TRAK1: variants seen among roughly 807,000 people sequenced by gnomAD.
TRAK1 encodes trafficking kinesin-binding protein 1.
TRAK1 carries 33 observed loss-of-function variants against 92.1 expected under a neutral mutation model. The ratio of observed to expected loss-of-function variants is 0.36; its 90% CI spans 0.27 to 0.48. The LOEUF (loss-of-function observed/expected upper bound fraction) is 0.48, where lower values mean the gene tolerates loss of function less well. Ranked by LOEUF, TRAK1 falls within the 20% of genes least tolerant of loss-of-function variation. TRAK1 has a pLI of 0.99. For synonymous variants in TRAK1, 521 were observed against 517.3 expected (o/e 1.01, Z -0.10); for missense variants, 1,123 against 1,257.9 (o/e 0.89, Z 1.62).
intron 14 of TRAK1, among the ~76,000 whole-genome samples, chr3:42,214,922 A>G (rs1191571751): frequency 6.6e-6 from 1 of 152,246 alleles, no homozygotes; most frequent in Non-Finnish European, 1.5e-5. Flanking sequence ...ACAACATATT[A>G]CAGTTTAAAA....
At chr3:42,089,864 C>T (rs779544202), upstream of TRAK1, among the ~76,000 whole-genome samples, 1 of 152,168 alleles carries the variant, frequency 6.6e-6, no homozygotes, top group African/African-American at 2.4e-5. Context: ...CAGTGACTAA[C>T]GTAGTGCCTG....
chr3:42,126,409 G>C (rs1710567664), intron 2 of TRAK1, among the ~76,000 whole-genome samples: 1 of 152,116 alleles, frequency 6.6e-6, no homozygotes, highest in Non-Finnish European at 1.5e-5. Flanking sequence ...ATTCTGATGG[G>C]CTGCAGAGCT....
chr3:42,157,290 C>G (rs1239696410), intron 2 of TRAK1, among the ~76,000 whole-genome samples: 1 of 151,146 alleles, frequency 6.6e-6, no homozygotes, highest in Non-Finnish European at 1.5e-5. Context: ...GAGACCCTGT[C>G]TCTACAAAAA....
chr3:42,181,834 C>G (rs372477500), intron 3 of TRAK1, among the ~76,000 whole-genome samples: 1 of 152,164 alleles, frequency 6.6e-6, no homozygotes, highest in African/African-American at 2.4e-5. Context: ...TTTCAGTCAG[C>G]CTCTGGAGAC....
chr3:42,195,636 A>T (rs1282904696), intron 10 of TRAK1, among the ~76,000 whole-genome samples: 3 of 151,532 alleles, frequency 2.0e-5, no homozygotes, highest in Admixed American at 2.0e-4. Context: ...CCTTCCCTAA[A>T]TCGTGATTTC....
In TRAK1 at chr3:42,136,010, T is replaced by C. The variant is rs1697910724; in HGVS notation, c.286+10396T>C. Among the ~76,000 whole-genome samples the C allele has an allele frequency of 2.0e-5, 3 of 152,240 alleles. 1 individual carries two copies. The South Asian group carries it at 6.2e-4, about 32-fold the overall frequency. ...CCCTCACCAATGACCCTGTCCATTC[T>C]CATAGGTGCCTTCCCCTGTTCTCCT... On this transcript the variant is annotated intron_variant, in intron 2 of 15. Coordinates refer to ENST00000327628, the MANE Select transcript of TRAK1 (RefSeq NM_001042646.3).
intron 1 of TRAK1, among the ~76,000 whole-genome samples, chr3:42,042,718 T>G (rs1702597039): frequency 6.6e-6 from 1 of 152,116 alleles, no homozygotes; most frequent in African/African-American, 2.4e-5. Context: ...GAGTAGAAAT[T>G]TCTTCTGCTT....
At chr3:42,113,001 G>A (rs558152816) in intron 1 of TRAK1, among the ~76,000 whole-genome samples, 29 of 152,144 alleles carry the variant, frequency 1.9e-4, no homozygotes, top group Non-Finnish European at 4.0e-4. Context: ...GAACTCCTAG[G>A]CTCAAGTGAT....
intron 14 of TRAK1, among the ~76,000 whole-genome samples, chr3:42,216,842 C>G (rs1709753877): frequency 2.0e-5 from 3 of 152,154 alleles, no homozygotes; most frequent in African/African-American, 4.8e-5. Flanking sequence ...CTAGGAAGCC[C>G]TCCACTCAGG....
In TRAK1 at chr3:42,209,946, C is replaced by A. The variant is rs1359994291; in HGVS notation, c.1924C>A (p.Leu642Ile). The A allele has an allele frequency of 6.2e-7, 1 of 1,614,190 alleles. No individual in the cohort carries two copies. Among genetic ancestry groups the A allele is most frequent in the East Asian group, 2.2e-5 (1 of 44,876 alleles). ...AGGTGACCACATTTCTCTCCCACGC[C>A]TAGCTACCTCCACTCCAGTTCAGCA... ...DTGDHISLPR[L>I]ATSTPVQHPE... Residue 642 changes from leucine to isoleucine, a missense_variant, in exon 14 of 16, where the codon CTA becomes ATA. By Grantham distance (5) the Leu-to-Ile change is conservative. Coordinates refer to ENST00000327628, the MANE Select transcript of TRAK1 (RefSeq NM_001042646.3).
At position 42,039,861 on chromosome 3, in the gene TRAK1, C is replaced by T. The variant is rs1423245087; in HGVS notation, c.-519+25744C>T. On this transcript the variant is annotated intron_variant, in intron 1 of 16. Transcript: ENST00000487159. ...ACCAGCAGTGTATTATGGTTTCATT[C>T]TCCCTAGATCCTTGCCAAAATTTGT... Among the ~76,000 whole-genome samples, 4 of 152,296 alleles carry T rather than the reference C, an allele frequency of 2.6e-5. No individual in the cohort carries two copies. The South Asian group carries it at 6.2e-4, about 24-fold the overall frequency.
intron 1 of TRAK1, among the ~76,000 whole-genome samples, chr3:42,108,835 T>G (rs1207276938): frequency 1.3e-5 from 2 of 152,052 alleles, no homozygotes; most frequent in Admixed American, 6.6e-5. Flanking sequence ...ATAATGCTCC[T>G]GTTTGAAGGC....
intron 1 of TRAK1, among the ~76,000 whole-genome samples, chr3:42,031,614 C>G (rs570485339): frequency 7.8e-6 from 1 of 128,912 alleles, no homozygotes; most frequent in South Asian, 3.3e-4. Context: ...GCTCAGGGGA[C>G]AGAGCGAGAC....
chr3:42,029,386 G>A (rs551003442), intron 1 of TRAK1, among the ~76,000 whole-genome samples: 4 of 151,426 alleles, frequency 2.6e-5, no homozygotes, highest in African/African-American at 7.3e-5. Flanking sequence ...CTGCAGGTGC[G>A]CGCCACCATG....
At chr3:42,067,903 G>GGGTC (rs1266021321) in intron 1 of TRAK1, among the ~76,000 whole-genome samples, 1 of 152,028 alleles carries the variant, frequency 6.6e-6, no homozygotes, top group African/African-American at 2.4e-5. Flanking sequence ...CAGGCGCAGT[G>GGGTC]GGTCACTCCT....
intron 14 of TRAK1, chr3:42,210,403 T>TGAA (rs1708880436): frequency 1.0e-6 from 1 of 960,940 alleles, no homozygotes; most frequent in African/African-American, 2.1e-5. Flanking sequence ...GAAAGGCTGC[T>TGAA]AAAAAAAAAA....
At chr3:42,196,998 TCTCTCACACACA>T (rs1309187550) in intron 10 of TRAK1, among the ~76,000 whole-genome samples, 5 of 94,760 alleles carry the variant, frequency 5.3e-5, no homozygotes, top group African/African-American at 2.0e-4. Flanking sequence ...TCTCTCTCTC[TCTCTCACACACA>T]CACACACACA....
At chr3:42,189,501 A>G (rs376545709) in intron 6 of TRAK1, among the ~76,000 whole-genome samples, 19 of 152,272 alleles carry the variant, frequency 1.2e-4, no homozygotes, top group African/African-American at 4.6e-4. Flanking sequence ...GAAGTAGTCC[A>G]TGGGTGCTCA....
chr3:42,081,390 G>C (rs1704430858), intron 1 of TRAK1, among the ~76,000 whole-genome samples: 1 of 152,152 alleles, frequency 6.6e-6, no homozygotes, highest in Non-Finnish European at 1.5e-5. Flanking sequence ...GATAGAACCT[G>C]GGCTTTAAAG....
Sources: gnomAD v4.1 joint callset for allele counts (sites outside exome capture counted in the v4.1 genomes callset) on GRCh38, gnomAD v4.1.1 for gene constraint, MANE v1.5 for transcripts, NCBI Gene and HGNC (gene_info 2026-07-23, HGNC 2026-07-21) for gene names.